The following BEGAIN variants were observed in gnomAD, a reference collection of about 807,000 sequenced individuals.
The protein encoded by BEGAIN is brain enriched guanylate kinase associated.
BEGAIN carries 19 observed loss-of-function variants against 35.8 expected under a neutral mutation model. The ratio of observed to expected loss-of-function variants is 0.53; its 90% CI spans 0.37 to 0.78. The LOEUF (loss-of-function observed/expected upper bound fraction) is 0.78. Ranked by LOEUF, BEGAIN falls within the 30% of genes least tolerant of loss-of-function variation. BEGAIN has a pLI of 0.00. For synonymous variants in BEGAIN, 462 were observed against 388.6 expected, an observed-to-expected ratio of 1.19 and a Z score of -2.22; for missense variants, 795 against 853.6, an observed-to-expected ratio of 0.93 and a Z score of 0.85.
intron 1 of BEGAIN, 38 bp downstream of exon 1, chr14:100,587,211 G>A (rs1461088527): frequency 5.6e-6 from 1 of 178,432 alleles, no homozygotes; most frequent in Non-Finnish European, 1.1e-5. Context: ...CTCCGCGCCC[G>A]CGCCCGCGCC....
chr14:100,567,262 G>A lies in BEGAIN; in HGVS notation c.71+649C>T, dbSNP rs922527533. On this transcript the variant is annotated intron_variant, in intron 2 of 6. Transcript: ENST00000554140. The surrounding 1 kb of genome is among the most constrained non-coding windows in gnomAD (Gnocchi z 5.1). ...AAATATTCAAACTGGCTGATCCCAGGCCTGCCGCGCAGGTGGTCCCGTGAA... is the reference window on the plus strand; with the variant it reads ...AAATATTCAAACTGGCTGATCCCAGACCTGCCGCGCAGGTGGTCCCGTGAA... Among the ~76,000 whole-genome samples, 28 of 152,210 alleles carry A rather than the reference G, an allele frequency of 1.8e-4. 2 individuals are homozygous for A.
chr14:100,540,397 T>G (rs901527691), intron 6 of BEGAIN, 99 bp downstream of exon 6: 3 of 938,872 alleles, frequency 3.2e-6, no homozygotes, highest in African/African-American at 1.6e-5. Flanking sequence ...AGCTGGCATC[T>G]TCCTCCTCAA....
chr14:100,582,205 C>T (rs549505182), intron 1 of BEGAIN, among the ~76,000 whole-genome samples: 3 of 152,246 alleles, frequency 2.0e-5, no homozygotes, highest in East Asian at 3.9e-4. Context: ...AGTGCAGTGG[C>T]GCGATCTCGG....
At chr14:100,561,257 T>A (rs1304503997) in intron 2 of BEGAIN, among the ~76,000 whole-genome samples, 1 of 152,198 alleles carries the variant, frequency 6.6e-6, no homozygotes, top group East Asian at 1.9e-4. Flanking sequence ...ACGGGAATGA[T>A]GTCACCGCCC....
chr14:100,580,467 T>G (rs1207112864), intron 1 of BEGAIN, among the ~76,000 whole-genome samples: 2 of 152,164 alleles, frequency 1.3e-5, no homozygotes, highest in Non-Finnish European at 2.9e-5. Flanking sequence ...GGAACGTCTC[T>G]CAGGTCCTGA....
At chr14:100,576,180 C>T (rs953228966) in intron 1 of BEGAIN, among the ~76,000 whole-genome samples, 1 of 152,058 alleles carries the variant, frequency 6.6e-6, no homozygotes, top group Non-Finnish European at 1.5e-5. Context: ...GCCATGCAGA[C>T]CTACAGGGAA....
intron 1 of BEGAIN, among the ~76,000 whole-genome samples, chr14:100,585,902 C>T (rs1460622662): frequency 6.6e-6 from 1 of 152,280 alleles, no homozygotes; most frequent in African/African-American, 2.4e-5. Flanking sequence ...TCGCCCAGAG[C>T]CCGTGTGCTG....
intron 1 of BEGAIN, among the ~76,000 whole-genome samples, chr14:100,574,487 C>G (rs914150066): frequency 6.6e-6 from 1 of 151,970 alleles, no homozygotes; most frequent in Non-Finnish European, 1.5e-5. Context: ...TCTGGCCCAC[C>G]ACCAGCATGT....
At chr14:100,566,929 G>A (rs961105958) in intron 2 of BEGAIN, among the ~76,000 whole-genome samples, 23 of 152,154 alleles carry the variant, frequency 1.5e-4, no homozygotes, top group African/African-American at 4.1e-4. Flanking sequence ...ACTCACCCAC[G>A]GCACTAAGGG....
Position 100,537,924 on chromosome 14 carries a change from T to C in BEGAIN, c.*45A>G. The C allele has an allele frequency of 6.4e-7, 1 of 1,557,896 alleles. No homozygotes were observed. The highest frequency in any genetic ancestry group is 2.3e-5 in the East Asian group (1 of 43,280). The stretch of plus-strand genomic sequence containing the variant: ...GTGAGGCCGGCCCTTCTGGGGCACG[T>C]GGGCTGGCGGGGAGCGAACCACGGC... On this transcript the variant is annotated 3_prime_UTR_variant, in exon 7 of 7. Coordinates refer to ENST00000554140, the MANE Select transcript of BEGAIN (RefSeq NM_001385089.1).
intron 5 of BEGAIN, among the ~76,000 whole-genome samples, chr14:100,541,639 A>G (rs1046185258): frequency 1.1e-4 from 17 of 152,182 alleles, no homozygotes; most frequent in African/African-American, 4.1e-4. Flanking sequence ...CCCTGGCACC[A>G]GAGGGCTGCA....
At chr14:100,560,631 G>C (rs748032245) in intron 2 of BEGAIN, among the ~76,000 whole-genome samples, 1 of 152,130 alleles carries the variant, frequency 6.6e-6, no homozygotes, top group Admixed American at 6.5e-5. Flanking sequence ...CTGCTTCCCC[G>C]GTCCGGCCAG....
intron 2 of BEGAIN, among the ~76,000 whole-genome samples, chr14:100,557,179 C>T (rs1190126660): frequency 2.0e-5 from 3 of 151,576 alleles, no homozygotes; most frequent in Non-Finnish European, 2.9e-5. Flanking sequence ...CCCAGGCCCC[C>T]AATCCCAGCG....
In BEGAIN at chr14:100,539,331, G is replaced by A; in HGVS notation, c.493-16C>T. 6.5e-7 allele frequency: 1 copy of A among 1,534,810 alleles called. No individual in the cohort carries two copies. Among genetic ancestry groups the A allele is most frequent in the South Asian group, 1.3e-5 (1 of 78,994 alleles). The stretch of plus-strand genomic sequence containing the variant: ...CCGAGGGCAGCTGGAACGGGTGCGA[G>A]GAGGGGGACGGCGGGTACAGGGTCA... On this transcript the variant is annotated splice_polypyrimidine_tract_variant and intron_variant, in intron 6 of 6. Coordinates refer to ENST00000554140, the MANE Select transcript of BEGAIN (RefSeq NM_001385089.1).
intron 3 of BEGAIN, chr14:100,545,991 A>G (rs2032316664): frequency 6.5e-6 from 1 of 153,146 alleles, no homozygotes. Context: ...AAATGTGCAC[A>G]AGAAAACTGC....
At position 100,567,696 on chromosome 14, in the gene BEGAIN, G is replaced by T. The variant is rs2034821682; in HGVS notation, c.71+215C>A. Among the ~76,000 whole-genome samples the T allele has an allele frequency of 6.6e-6, 1 of 151,324 alleles. No homozygotes were observed. The highest frequency in any genetic ancestry group is 2.4e-5 in the African/African-American group (1 of 41,310). Reference sequence around the variant, plus strand: ...GCTAGCCCCAGCCCCCGCCGCAGCGGCCCGGGCCGGCGGAGGAGCCCCGCG... The same window carrying T: ...GCTAGCCCCAGCCCCCGCCGCAGCGTCCCGGGCCGGCGGAGGAGCCCCGCG... On this transcript the variant is annotated intron_variant, in intron 2 of 6. Transcript: ENST00000554140. This position sits in a 1 kb window ranked among gnomAD's most constrained non-coding sequence, Gnocchi z 5.1.
At chr14:100,565,083 C>T (rs1429263496) in intron 2 of BEGAIN, among the ~76,000 whole-genome samples, 3 of 152,210 alleles carry the variant, frequency 2.0e-5, no homozygotes, top group African/African-American at 4.8e-5. Flanking sequence ...GTATTCTGTC[C>T]GCTGGCCTAG....
chr14:100,587,124 A>T (rs1001314337), intron 1 of BEGAIN, 125 bp downstream of exon 1: 2 of 148,594 alleles, frequency 1.3e-5, no homozygotes, highest in Admixed American at 1.3e-4. Context: ...CGCAGCGCGG[A>T]GGGGAGCGGG....
intron 2 of BEGAIN, among the ~76,000 whole-genome samples, chr14:100,561,264 G>A (rs1225774557): frequency 2.6e-5 from 4 of 152,196 alleles, no homozygotes; most frequent in South Asian, 2.1e-4. Context: ...TGATGTCACC[G>A]CCCAAGGGGT....
Sources: gnomAD v4.1 joint callset for allele counts (sites outside exome capture counted in the v4.1 genomes callset) on GRCh38, gnomAD v4.1.1 for gene constraint, Gnocchi (gnomAD v3.1) non-coding constraint, MANE v1.5 for transcripts, NCBI Gene and HGNC (gene_info 2026-07-23, HGNC 2026-07-21) for gene names.